Variants in HECW1 observed in about 807,000 individuals in gnomAD.
The protein encoded by HECW1 is HECT, C2 and WW domain containing E3 ubiquitin protein ligase 1.
A neutral mutation model predicts 182.3 loss-of-function variants in HECW1; 61 were observed. The observed-to-expected ratio is 0.33, with a 90% CI of 0.27 to 0.41. The LOEUF (loss-of-function observed/expected upper bound fraction) is 0.41. Ranked by LOEUF, HECW1 falls within the 10% of genes least tolerant of loss-of-function variation. The pLI is 1.00. For missense variants in HECW1, 1,739 were observed against 2,108.9 expected (o/e 0.82, Z 3.44); for synonymous variants, 859 against 832.6 (o/e 1.03, Z -0.55).
chr7:43,260,335 G>T (rs1301144492), intron 3 of HECW1, among the ~76,000 whole-genome samples: 1 of 152,070 alleles, frequency 6.6e-6, no homozygotes, highest in Non-Finnish European at 1.5e-5. Context: ...AGATGTTCCT[G>T]GTATATGCAA....
Position 43,554,656 on chromosome 7 carries a change from G to A in HECW1, c.4575G>A (p.Glu1525=), listed in dbSNP as rs1276387705. Residue 1525 remains glutamate (E), a synonymous_variant, in exon 29 of 30, where the codon GAG becomes GAA. Transcript: ENST00000395891. ...FWAAVERFNN[E]QRLRLLQFVT... The stretch of plus-strand genomic sequence containing the variant: ...CTGCGGTGGAGCGCTTCAATAATGA[G>A]CAGAGGCTGAGATTACTGCAGTTTG... The A allele has an allele frequency of 6.2e-7, 1 of 1,613,866 alleles. No homozygotes were observed. The highest frequency in any genetic ancestry group is 1.3e-5 in the African/African-American group (1 of 74,940).
At chr7:43,321,151 C>A (rs1810065648) in intron 5 of HECW1, among the ~76,000 whole-genome samples, 1 of 152,186 alleles carries the variant, frequency 6.6e-6, no homozygotes, top group Non-Finnish European at 1.5e-5. Flanking sequence ...TTCAAGGCTT[C>A]CTGCCCATGG....
intron 6 of HECW1, among the ~76,000 whole-genome samples, chr7:43,389,550 T>C (rs983822289): frequency 2.6e-5 from 4 of 152,234 alleles, no homozygotes; most frequent in Non-Finnish European, 5.9e-5. Flanking sequence ...AAATCTACTA[T>C]TGGATTAATC....
At chr7:43,206,589 C>G (rs73690269) in intron 2 of HECW1, among the ~76,000 whole-genome samples, 3,553 of 152,272 alleles carry the variant, frequency 0.023, 145 homozygotes, top group African/African-American at 0.082. Context: ...GCTCATTAAT[C>G]TCTGTATTGT....
At chr7:43,264,657 A>AAC (rs1584242660) in intron 3 of HECW1, among the ~76,000 whole-genome samples, 1 of 152,174 alleles carries the variant, frequency 6.6e-6, no homozygotes, top group East Asian at 1.9e-4. Flanking sequence ...CATCCTGGCT[A>AAC]ACACAGTGAA....
chr7:43,166,246 G>T (rs537696930), intron 2 of HECW1, among the ~76,000 whole-genome samples: 35 of 152,286 alleles, frequency 2.3e-4, no homozygotes, highest in African/African-American at 7.9e-4. Flanking sequence ...ACCACAGCCA[G>T]CTACTTTTGT....
At chr7:43,533,263 G>A (rs571199531) in intron 24 of HECW1, among the ~76,000 whole-genome samples, 1 of 152,224 alleles carries the variant, frequency 6.6e-6, no homozygotes, top group Non-Finnish European at 1.5e-5. Flanking sequence ...CTCCTTAAAG[G>A]AACTTAACCC....
chr7:43,260,749 T>C (rs1190701967), intron 3 of HECW1, among the ~76,000 whole-genome samples: 1 of 152,122 alleles, frequency 6.6e-6, no homozygotes, highest in East Asian at 1.9e-4. Flanking sequence ...AGTCATTGCT[T>C]GGATGTGGGA....
chr7:43,363,738 G>A (rs34140960), intron 6 of HECW1, among the ~76,000 whole-genome samples: 21,750 of 152,082 alleles, frequency 0.14, 1,887 homozygotes, highest in African/African-American at 0.24. Flanking sequence ...TTTGTTTGAT[G>A]GCGTGGCACA....
At chr7:43,247,309 A>G (rs17796324) in intron 3 of HECW1, among the ~76,000 whole-genome samples, 4,201 of 152,304 alleles carry the variant, frequency 0.028, 133 homozygotes, top group East Asian at 0.19. Context: ...ACATGGAAGA[A>G]TAGGGCACTA....
intron 2 of HECW1, among the ~76,000 whole-genome samples, chr7:43,211,060 T>C (rs1795968630): frequency 6.6e-6 from 1 of 152,220 alleles, no homozygotes; most frequent in Non-Finnish European, 1.5e-5. Context: ...AGGCGATAGA[T>C]GATTGGCTAT....
At chr7:43,166,106 CAG>C (rs1180911637) in intron 2 of HECW1, among the ~76,000 whole-genome samples, 6 of 152,090 alleles carry the variant, frequency 3.9e-5, no homozygotes, top group East Asian at 1.9e-4. Context: ...TTTTTTGAGA[CAG>C]AGTTTCACTC....
chr7:43,410,437 G>A (rs560520357), intron 8 of HECW1, among the ~76,000 whole-genome samples: 51 of 152,150 alleles, frequency 3.4e-4, no homozygotes, highest in African/African-American at 1.1e-3. Context: ...CCAAAGGCCC[G>A]GCCTCTTAAT....
intron 2 of HECW1, among the ~76,000 whole-genome samples, chr7:43,231,883 G>A (rs967647771): frequency 2.3e-4 from 35 of 151,974 alleles, no homozygotes; most frequent in African/African-American, 5.8e-4. Context: ...TTAGCCAGGC[G>A]TGGTGGCGGG....
At chr7:43,293,414 G>A (rs118048441) in intron 3 of HECW1, among the ~76,000 whole-genome samples, 1,945 of 152,212 alleles carry the variant, frequency 0.013, 15 homozygotes, top group Non-Finnish European at 0.021. Flanking sequence ...CAATCAGTCT[G>A]ATTGGTTACA....
rs1278242928 is a variant in HECW1, at chr7:43,260,977, T to C, written c.27+17045T>C. On this transcript the variant is annotated intron_variant, in intron 3 of 29. Coordinates refer to ENST00000395891, the MANE Select transcript of HECW1 (RefSeq NM_015052.5). The stretch of plus-strand genomic sequence containing the variant: ...ACAAGAGTGAGAGGTTGGTACAATT[T>C]TTGCCCCAGTTTTACAGATGAGGAA... Among the ~76,000 whole-genome samples, 7 of 152,216 alleles carry C rather than the reference T, an allele frequency of 4.6e-5. No homozygotes were observed. The South Asian group carries it at 6.2e-4, about 14-fold the overall frequency.
At chr7:43,200,231 C>T (rs1186744842) in intron 2 of HECW1, among the ~76,000 whole-genome samples, 2 of 152,170 alleles carry the variant, frequency 1.3e-5, no homozygotes, top group Admixed American at 1.3e-4. Context: ...ATTAGTTATA[C>T]TTATTTTATT....
chr7:43,399,667 C>T (rs1009592517), intron 7 of HECW1, among the ~76,000 whole-genome samples: 2 of 152,142 alleles, frequency 1.3e-5, no homozygotes, highest in African/African-American at 4.8e-5. Context: ...GAGGAAGCCC[C>T]ACCACCACCC....
chr7:43,303,656 A>G (rs1807155022), intron 3 of HECW1, among the ~76,000 whole-genome samples: 1 of 152,176 alleles, frequency 6.6e-6, no homozygotes, highest in African/African-American at 2.4e-5. Context: ...ATTCTGTGAT[A>G]TTCTTCCACA....
Sources: allele counts gnomAD v4.1 joint callset (sites outside exome capture counted in the v4.1 genomes callset), GRCh38; gene constraint gnomAD v4.1.1; transcripts MANE v1.5; gene names NCBI Gene and HGNC (gene_info 2026-07-23, HGNC 2026-07-21).